The following GLB1 variants were observed in gnomAD, a reference collection of about 807,000 sequenced individuals.
GLB1 encodes the protein beta-galactosidase.
A neutral mutation model predicts 74.0 loss-of-function variants in GLB1; 56 were observed. That is an observed-to-expected ratio of 0.76 (90% confidence interval 0.61 to 0.94). The LOEUF (loss-of-function observed/expected upper bound fraction) is 0.94, where lower values mean the gene tolerates loss of function less well. Ranked by LOEUF, GLB1 falls within the 40% of genes least tolerant of loss-of-function variation. GLB1 has a pLI of 0.00. For missense variants in GLB1, 787 were observed against 845.5 expected (o/e 0.93, Z 0.86); for synonymous variants, 323 against 323.6 (o/e 1.00, Z 0.02).
At chr3:32,984,747 T>C in the GLB1 span, among the ~76,000 whole-genome samples, 1,092 of 151,780 alleles carry the variant, frequency 7.2e-3, 16 homozygotes, top group African/African-American at 0.025. Context: ...CACAGTGAAA[T>C]CCTGGCTAAC....
intron 10 of GLB1, among the ~76,000 whole-genome samples, chr3:33,045,056 G>A (rs1698685420): frequency 6.6e-6 from 1 of 152,112 alleles, no homozygotes; most frequent in Non-Finnish European, 1.5e-5. Flanking sequence ...AGCTATTTAA[G>A]TAGACACACA....
At chr3:33,044,026 A>G (rs945348169) in intron 10 of GLB1, among the ~76,000 whole-genome samples, 1 of 152,202 alleles carries the variant, frequency 6.6e-6, no homozygotes, top group Non-Finnish European at 1.5e-5. Flanking sequence ...TAAATAGTAG[A>G]CTGAACTGAC....
intron 5 of GLB1, chr3:33,061,747 AAGGTCGTCC>A: frequency 6.6e-6 from 1 of 152,338 alleles, no homozygotes; most frequent in South Asian, 2.1e-4. Context: ...TTGTGGGTGG[AAGGTCGTCC>A]ACTCCTAATT....
At chr3:32,971,419 A>G in the GLB1 span, among the ~76,000 whole-genome samples, 3 of 152,164 alleles carry the variant, frequency 2.0e-5, no homozygotes, top group Non-Finnish European at 2.9e-5. Flanking sequence ...TCCTCCATCA[A>G]CCAAAAACTT....
rs114791958 is a variant in GLB1, at chr3:33,096,622, A to G, written c.75+389T>C. On this transcript the variant is annotated intron_variant, in intron 1 of 15. Transcript: ENST00000307363. ...CGCTCCGCAGAGCACCAACTGGGAA[A>G]GCGAGGGCGCCCCAAACCAGAGCCG... is the stretch of plus-strand genomic sequence containing the variant. 4,555 of 1,065,970 alleles carry G rather than the reference A, an allele frequency of 4.3e-3. 76 individuals are homozygous for G. Among genetic ancestry groups the G allele is most frequent in the East Asian group, 0.041 (458 of 11,244 alleles). 66.0% of individuals were successfully genotyped at this position (1,065,970 alleles called of 1,614,324 possible). A position where few individuals can be genotyped will look rare whatever the true frequency, so the allele number is the denominator to read the frequency against.
At chr3:33,077,407 T>C in intron 1 of GLB1, 1 of 1,010,426 alleles carries the variant, frequency 9.9e-7, no homozygotes, top group Non-Finnish European at 1.5e-6. Flanking sequence ...AACCAATCAA[T>C]GAAAGAGACA....
At chr3:33,042,500 T>C (rs1366156403) in intron 10 of GLB1, among the ~76,000 whole-genome samples, 1 of 150,764 alleles carries the variant, frequency 6.6e-6, no homozygotes, top group African/African-American at 2.4e-5. Flanking sequence ...CCGGAGTAGC[T>C]GGGACTACAG....
At chr3:33,020,119 A>G (rs977258905) in intron 12 of GLB1, among the ~76,000 whole-genome samples, 3 of 152,198 alleles carry the variant, frequency 2.0e-5, no homozygotes, top group African/African-American at 7.2e-5. Context: ...GGTAAGTTCC[A>G]TTTATAGATG....
intron 1 of GLB1, among the ~76,000 whole-genome samples, chr3:33,087,385 C>A (rs900121446): frequency 2.6e-5 from 4 of 152,126 alleles, no homozygotes; most frequent in African/African-American, 9.7e-5. Flanking sequence ...GCCTGGCCAA[C>A]ATGGTGAAAC....
At chr3:32,999,075 A>G (rs1273089311) in intron 15 of GLB1, among the ~76,000 whole-genome samples, 1 of 152,194 alleles carries the variant, frequency 6.6e-6, no homozygotes, top group African/African-American at 2.4e-5. Context: ...GATTAAAGTG[A>G]AAAGATGTTG....
intron 1 of GLB1, among the ~76,000 whole-genome samples, chr3:33,076,275 C>G (rs540394001): frequency 6.6e-6 from 1 of 152,102 alleles, no homozygotes; most frequent in Non-Finnish European, 1.5e-5. Flanking sequence ...GGAGGGAGGG[C>G]AGGACTACAG....
chr3:33,034,007 CT>C (rs1698167357), intron 10 of GLB1: 5 of 547,186 alleles, frequency 9.1e-6, no homozygotes, highest in Non-Finnish European at 1.8e-5. Flanking sequence ...AGGGCAGATC[CT>C]CATTGCCAAC....
intron 1 of GLB1, among the ~76,000 whole-genome samples, chr3:33,080,241 G>A (rs754516892): frequency 4.4e-4 from 67 of 152,020 alleles, no homozygotes; most frequent in Non-Finnish European, 1.0e-4. Flanking sequence ...CCCCACACCC[G>A]GCTAATTTTT....
the GLB1 span, among the ~76,000 whole-genome samples, chr3:32,986,155 G>A: frequency 3.9e-5 from 6 of 152,202 alleles, no homozygotes; most frequent in East Asian, 3.8e-4. Flanking sequence ...CGCCTCAGGC[G>A]GTAGCTGCTC....
chr3:33,046,221 G>A lies in GLB1; in HGVS notation c.967C>T (p.Pro323Ser). Residue 323 changes from proline (P) to serine (S), a missense_variant, in exon 10 of 16, where the codon CCC (proline) becomes TCC (serine). Transcript: ENST00000307363. ...TAGCTGGTGGGCTGTGCTGCATAGG[G>A]TGAGTTGGCCCCTAGAAGACAAAAA... ...NFAYWNGANS[P>S]YAAQPTSYDY... is the part of the protein sequence containing the mutation. 1.2e-6 allele frequency: 2 copies of A among 1,614,036 alleles called. No individual in the cohort carries two copies. The highest frequency in any genetic ancestry group is 8.5e-7 in the Non-Finnish European group (1 of 1,179,994).
chr3:33,094,060 A>C, intron 1 of GLB1: 13 of 1,614,242 alleles, frequency 8.1e-6, no homozygotes, highest in Non-Finnish European at 1.1e-5. Flanking sequence ...GCAAGCTGCA[A>C]GCGAAGCAGC....
chr3:32,981,055 C>T, the GLB1 span, among the ~76,000 whole-genome samples: 1 of 131,902 alleles, frequency 7.6e-6, no homozygotes, highest in Non-Finnish European at 1.5e-5. Flanking sequence ...CGTGCAACTG[C>T]ACTCCAGCCT....
At chr3:32,985,277 G>A in the GLB1 span, among the ~76,000 whole-genome samples, 1 of 151,804 alleles carries the variant, frequency 6.6e-6, no homozygotes, top group African/African-American at 2.4e-5. Context: ...TAGAATTGTT[G>A]TAACTTTATA....
chr3:33,043,499 AAAAAC>A lies in GLB1; in HGVS notation c.1068+2616_1068+2620del, dbSNP rs1195238922. Among the ~76,000 whole-genome samples, 2 of 152,202 alleles carry A rather than the reference AAAAAC, an allele frequency of 1.3e-5. 1 individual carries two copies. The highest frequency in any genetic ancestry group is 1.3e-4 in the Admixed American group (2 of 15,276). ...AAGAGGGGGGAAAGAAATAAGAGGA[AAAAAC>A]AAAACAAAACAAAAAACCTCAATCT... On this transcript the variant is annotated intron_variant, in intron 10 of 15. Coordinates refer to ENST00000307363, the MANE Select transcript of GLB1 (RefSeq NM_000404.4).
Sources: gnomAD v4.1 joint callset for allele counts (sites outside exome capture counted in the v4.1 genomes callset) on GRCh38, gnomAD v4.1.1 for gene constraint, MANE v1.5 for transcripts, NCBI Gene and HGNC (gene_info 2026-07-23, HGNC 2026-07-21) for gene names.